The following PLXDC2 variants were observed in gnomAD, a reference collection of about 807,000 sequenced individuals.
PLXDC2 encodes plexin domain containing 2, also known as plexin domain-containing protein 2.
Under a neutral mutation model 68.9 loss-of-function variants are expected in PLXDC2, and 40 were observed. That is an observed-to-expected ratio of 0.58 (90% CI 0.45 to 0.76). The LOEUF (loss-of-function observed/expected upper bound fraction) is 0.76, where lower values mean the gene tolerates loss of function less well. Ranked by LOEUF, PLXDC2 falls within the 30% of genes least tolerant of loss-of-function variation. PLXDC2 has a pLI of 0.00. For missense variants in PLXDC2, 644 were observed against 661.9 expected (o/e 0.97, Z 0.30); for synonymous variants, 243 against 234.2 (o/e 1.04, Z -0.34).
chr10:20,268,840 G>A (rs377561974), intron 13 of PLXDC2, among the ~76,000 whole-genome samples: 15 of 152,218 alleles, frequency 9.9e-5, no homozygotes, highest in African/African-American at 3.6e-4. Flanking sequence ...CCAGGCAGCG[G>A]TGAACTGGCT....
intron 4 of PLXDC2, among the ~76,000 whole-genome samples, chr10:20,139,694 G>A (rs766961763): frequency 5.3e-5 from 8 of 152,110 alleles, no homozygotes; most frequent in Non-Finnish European, 7.4e-5. Context: ...ATGAGTTAAC[G>A]TCCTTTGCAC....
intron 4 of PLXDC2, among the ~76,000 whole-genome samples, chr10:20,077,751 AG>A (rs1214125208): frequency 6.6e-6 from 1 of 152,246 alleles, no homozygotes; most frequent in Non-Finnish European, 1.5e-5. Flanking sequence ...AAGATAATTT[AG>A]AGCAATTAGA....
chr10:19,841,545 T>G (rs544252494), intron 1 of PLXDC2, among the ~76,000 whole-genome samples: 2 of 151,660 alleles, frequency 1.3e-5, no homozygotes, highest in Admixed American at 1.3e-4. Flanking sequence ...GGGTTTTTTT[T>G]TTTTTTTTTT....
At chr10:19,972,291 C>T (rs1399368041) in intron 1 of PLXDC2, among the ~76,000 whole-genome samples, 1 of 152,140 alleles carries the variant, frequency 6.6e-6, no homozygotes, top group Non-Finnish European at 1.5e-5. Context: ...ATGTCCTTTG[C>T]AGCAACATGA....
chr10:19,949,123 C>CAAAAAAAAAA (rs60138814), intron 1 of PLXDC2, among the ~76,000 whole-genome samples: 2 of 82,920 alleles, frequency 2.4e-5, no homozygotes, highest in Non-Finnish European at 4.1e-5. Flanking sequence ...GAGACTTTGT[C>CAAAAAAAAAA]AAAAAAAAAA....
chr10:20,211,018 C>G (rs1437928748), intron 9 of PLXDC2, among the ~76,000 whole-genome samples: 2 of 152,054 alleles, frequency 1.3e-5, no homozygotes, highest in East Asian at 3.9e-4. Context: ...CACATATTCA[C>G]AATAAATCAA....
chr10:19,893,676 A>G (rs1383901085), intron 1 of PLXDC2, among the ~76,000 whole-genome samples: 3 of 152,258 alleles, frequency 2.0e-5, no homozygotes, highest in Non-Finnish European at 4.4e-5. Context: ...TTAGATGTGT[A>G]TGTAATAAAT....
At chr10:19,860,948 C>G (rs1475597550) in intron 1 of PLXDC2, among the ~76,000 whole-genome samples, 1 of 151,910 alleles carries the variant, frequency 6.6e-6, no homozygotes, top group African/African-American at 2.4e-5. Context: ...TAAATTTGTC[C>G]CATCTTCCTA....
chr10:20,178,161 A>G (rs1416791642), intron 9 of PLXDC2, among the ~76,000 whole-genome samples: 2 of 152,182 alleles, frequency 1.3e-5, no homozygotes, highest in African/African-American at 2.4e-5. Context: ...GATTGGAGAT[A>G]TAATCTAATA....
chr10:20,114,199 C>G lies in PLXDC2; in HGVS notation c.542-29096C>G, dbSNP rs1275433789. On this transcript the variant is annotated intron_variant, in intron 4 of 13. Coordinates refer to ENST00000377252, the MANE Select transcript of PLXDC2 (RefSeq NM_032812.9). ...TTTGTTGAACTCTTCAGTGTTTGGC[C>G]ATTGCCTTTGAAAAACATCCCCAAA... Among the ~76,000 whole-genome samples the G allele has an allele frequency of 5.9e-5, 9 of 152,272 alleles. 1 individual carries two copies. Among genetic ancestry groups the G allele is most frequent in the African/African-American group, 2.2e-4 (9 of 41,560 alleles).
At chr10:19,981,396 C>T (rs1834546929) in intron 1 of PLXDC2, among the ~76,000 whole-genome samples, 1 of 152,144 alleles carries the variant, frequency 6.6e-6, no homozygotes, top group Admixed American at 6.5e-5. Context: ...AGTCTTGATA[C>T]ATGGGTTTGT....
At chr10:20,215,226 C>G (rs561763161) in intron 10 of PLXDC2, among the ~76,000 whole-genome samples, 1 of 149,078 alleles carries the variant, frequency 6.7e-6, no homozygotes, top group South Asian at 2.2e-4. Context: ...GACATCTGCA[C>G]CATAGGCTGA....
chr10:19,971,102 A>G (rs922266031), intron 1 of PLXDC2, among the ~76,000 whole-genome samples: 3 of 152,134 alleles, frequency 2.0e-5, no homozygotes, highest in Non-Finnish European at 2.9e-5. Context: ...TTAATATAAT[A>G]TATGGTTAAT....
At chr10:20,249,565 C>A (rs1835644023) in intron 13 of PLXDC2, among the ~76,000 whole-genome samples, 1 of 152,150 alleles carries the variant, frequency 6.6e-6, no homozygotes, top group African/African-American at 2.4e-5. Context: ...CATCTCCTAC[C>A]ACTAACGTTG....
intron 4 of PLXDC2, among the ~76,000 whole-genome samples, chr10:20,113,199 A>C (rs2131750416): frequency 6.6e-6 from 1 of 151,012 alleles, no homozygotes; most frequent in South Asian, 2.1e-4. Context: ...TCAGTGATGG[A>C]AAACCACCAA....
chr10:20,158,086 T>G (rs1294710600), intron 6 of PLXDC2, among the ~76,000 whole-genome samples: 1 of 151,984 alleles, frequency 6.6e-6, no homozygotes, highest in Non-Finnish European at 1.5e-5. Context: ...ACTTCTGTAG[T>G]TTAGAGTTTT....
chr10:20,281,409 T>G lies in PLXDC2; in HGVS notation c.*1590T>G, dbSNP rs1481376416. 6.6e-6 allele frequency: 1 copy of G among 152,154 alleles called. No homozygotes were observed. Among genetic ancestry groups the G allele is most frequent in the Non-Finnish European group, 1.5e-5 (1 of 68,014 alleles). 9.4% of individuals were successfully genotyped at this position (152,154 alleles called of 1,614,324 possible). A position where few individuals can be genotyped will look rare whatever the true frequency, so the allele number is the denominator to read the frequency against. On this transcript the variant is annotated 3_prime_UTR_variant, in exon 14 of 14. Coordinates refer to ENST00000377252, the MANE Select transcript of PLXDC2 (RefSeq NM_032812.9). ...CAAGAAACTGTTGGCTTTTGTAAGG[T>G]ACAGTGCTCAACATTTGCAGATTCA...
At chr10:19,915,700 G>A (rs922576133) in intron 1 of PLXDC2, among the ~76,000 whole-genome samples, 6 of 151,856 alleles carry the variant, frequency 4.0e-5, no homozygotes, top group Admixed American at 2.6e-4. Flanking sequence ...TGTCTTCTCC[G>A]TCTCTACCTT....
chr10:19,982,917 T>C (rs556248558), intron 1 of PLXDC2, among the ~76,000 whole-genome samples: 1 of 152,314 alleles, frequency 6.6e-6, no homozygotes, highest in South Asian at 2.1e-4. Context: ...TTTATTTCTA[T>C]AAACAGTACA....
Sources: gnomAD v4.1 joint callset for allele counts (sites outside exome capture counted in the v4.1 genomes callset) on GRCh38, gnomAD v4.1.1 for gene constraint, MANE v1.5 for transcripts, NCBI Gene and HGNC (gene_info 2026-07-23, HGNC 2026-07-21) for gene names.